The following STK16 variants were observed in gnomAD, a reference collection of about 807,000 sequenced individuals.
The protein encoded by STK16 is serine/threonine kinase 16, also known as serine/threonine-protein kinase 16.
In STK16, 28 loss-of-function variants were observed where a neutral mutation model predicts 37.8. The observed-to-expected ratio is 0.74, with a 90% CI of 0.55 to 1.02. STK16 has a LOEUF of 1.02. Among genes scored for constraint, STK16 ranks in the 50% least tolerant of loss-of-function variants. STK16 has a pLI of 0.00. For missense variants in STK16, 349 were observed against 390.6 expected, an observed-to-expected ratio of 0.89 and a Z score of 0.90; for synonymous variants, 134 against 155.0, an observed-to-expected ratio of 0.86 and a Z score of 1.01.
chr2:219,247,767 A>G lies in STK16; in HGVS notation c.657+10A>G, dbSNP rs759913949. The G allele has an allele frequency of 1.3e-6, 2 of 1,563,572 alleles. No individual in the cohort carries two copies. The highest frequency in any genetic ancestry group is 1.7e-6 in the Non-Finnish European group (2 of 1,153,118). On this transcript the variant is annotated intron_variant, in intron 6 of 7. Transcript: ENST00000396738. Reference sequence around the variant, plus strand: ...GCGGACTGATGTCTGGGTGAGGAGCATGTGGGTGGGTATCTGGGTAGGGAG... The same window carrying G: ...GCGGACTGATGTCTGGGTGAGGAGCGTGTGGGTGGGTATCTGGGTAGGGAG...
intron 4 of STK16, 71 bp downstream of exon 4, chr2:219,247,317 C>T (rs1455549205): frequency 1.9e-6 from 3 of 1,609,130 alleles, no homozygotes; most frequent in Non-Finnish European, 1.7e-6. Flanking sequence ...TGGGAGGTCT[C>T]TGTTCTCCCA....
chr2:219,247,497 A>C lies in STK16; in HGVS notation c.523A>C (p.Ile175Leu). The part of the protein sequence containing the change: ...MDLGSMNQAC[I>L]HVEGSRQALT... ...CTTGGGTTCCATGAATCAAGCATGC[A>C]TCCATGTGGAGGGCTCCCGCCAGGC... Residue 175 changes from isoleucine to leucine, a missense_variant, in exon 5 of 8, where the codon ATC becomes CTC. By Grantham distance (5) the Ile-to-Leu change is conservative (BLOSUM62 2). Coordinates refer to ENST00000396738, the MANE Select transcript of STK16 (RefSeq NM_001330213.2). 3.7e-6 allele frequency: 6 copies of C among 1,614,194 alleles called. No homozygotes were observed. The highest frequency in any genetic ancestry group is 5.1e-6 in the Non-Finnish European group (6 of 1,180,026).
rs1358200639 is a variant in STK16 at position 219,246,794 on chromosome 2, C to T, written c.224C>T (p.Pro75Leu). ...GACATGCATCGCCTCTTCAATCACC[C>T]CAACATCCTTCGCCTCGTGGCTTAC... Reference protein sequence around the residue: ...EADMHRLFNHPNILRLVAYCL... With the variant: ...EADMHRLFNHLNILRLVAYCL... Residue 75 changes from proline to leucine, a missense_variant, in exon 3 of 8, where the codon CCC (proline) becomes CTC (leucine). By Grantham distance (98) the Pro-to-Leu change is moderately conservative. Transcript: ENST00000396738. This position sits in a 1 kb window ranked among gnomAD's most constrained non-coding sequence, Gnocchi z 4.5. 6.2e-7 allele frequency: 1 copy of T among 1,614,236 alleles called. No homozygotes were observed. Among genetic ancestry groups the T allele is most frequent in the Non-Finnish European group, 8.5e-7 (1 of 1,180,040 alleles).
In STK16 at chr2:219,250,263, C is replaced by T; in HGVS notation, c.*1704C>T. The T allele has an allele frequency of 6.5e-7, 1 of 1,528,500 alleles. No individual in the cohort carries two copies. The highest frequency in any genetic ancestry group is 8.8e-7 in the Non-Finnish European group (1 of 1,135,312). The allele number at this position is 1,528,500 out of a possible 1,614,324, so 94.7% of individuals were successfully genotyped here. A position where few individuals can be genotyped will look rare whatever the true frequency, so the allele number is the denominator to read the frequency against. On this transcript the variant is annotated 3_prime_UTR_variant, in exon 8 of 8. Coordinates refer to ENST00000396738, the MANE Select transcript of STK16 (RefSeq NM_001330213.2). The surrounding 1 kb of genome is among the most constrained non-coding windows in gnomAD (Gnocchi z 8.4). Reference sequence around the variant, plus strand: ...GGGGAAGGCAGCAGAAGCTCAAGCACTCAGAGGGAACAAGAAACCGTGCAA... The same window carrying T: ...GGGGAAGGCAGCAGAAGCTCAAGCATTCAGAGGGAACAAGAAACCGTGCAA...
rs1006116968 is a variant in STK16, at chr2:219,250,269, G to A, written c.*1710G>A. ...GGCAGCAGAAGCTCAAGCACTCAGA[G>A]GGAACAAGAAACCGTGCAAGGAAAC... is the stretch of plus-strand genomic sequence containing the variant. On this transcript the variant is annotated 3_prime_UTR_variant, in exon 8 of 8. Transcript: ENST00000396738. This position sits in a 1 kb window ranked among gnomAD's most constrained non-coding sequence, Gnocchi z 8.4. The A allele has an allele frequency of 1.3e-6, 2 of 1,531,544 alleles. No homozygotes were observed. Among genetic ancestry groups the A allele is most frequent in the Admixed American group, 2.1e-5 (1 of 48,658 alleles). 94.9% of individuals were successfully genotyped at this position (1,531,544 alleles called of 1,614,324 possible).
intron 5 of STK16, 29 bp from the exon 6 acceptor site, chr2:219,247,633 A>T (rs1234859509): frequency 1.2e-6 from 2 of 1,612,878 alleles, no homozygotes; most frequent in Non-Finnish European, 1.7e-6. Flanking sequence ...CCTGTGCCCC[A>T]CTTTTGAGCT....
At position 219,246,177 on chromosome 2, in the gene STK16, C is replaced by A; in HGVS notation, c.86+92C>A. On this transcript the variant is annotated intron_variant, in intron 2 of 7. Coordinates refer to ENST00000396738, the MANE Select transcript of STK16 (RefSeq NM_001330213.2). The surrounding 1 kb of genome is among the most constrained non-coding windows in gnomAD (Gnocchi z 4.5). The stretch of plus-strand genomic sequence containing the variant: ...ATGCTTGGGGCACAAGGGTTTTATC[C>A]CTATCCCTGTCCTCTCTCACCTGAC... The A allele has an allele frequency of 1.8e-6, 2 of 1,114,004 alleles. No individual in the cohort carries two copies. 69.0% of individuals were successfully genotyped at this position (1,114,004 alleles called of 1,614,324 possible).
In STK16 at chr2:219,246,815, C is replaced by G; in HGVS notation, c.245C>G (p.Ala82Gly). The G allele has an allele frequency of 6.2e-7, 1 of 1,614,150 alleles. No individual in the cohort carries two copies. Among genetic ancestry groups the G allele is most frequent in the Non-Finnish European group, 8.5e-7 (1 of 1,180,024 alleles). The change falls in exon 3 of 8, where the codon GCT becomes GGT. Residue 82 changes from alanine (A) to glycine (G), a missense_variant. Physicochemically the swap from Ala to Gly is moderately conservative, Grantham distance 60 (BLOSUM62 0). Transcript: ENST00000396738. This position sits in a 1 kb window ranked among gnomAD's most constrained non-coding sequence, Gnocchi z 4.5. Reference protein sequence around the residue: ...FNHPNILRLVAYCLRERGAKH... With the variant: ...FNHPNILRLVGYCLRERGAKH... ...CACCCCAACATCCTTCGCCTCGTGG[C>G]TTACTGTCTGAGGGAACGGGGTGCT... is the stretch of plus-strand genomic sequence containing the variant.
intron 4 of STK16, 46 bp downstream of exon 4, chr2:219,247,292 C>A: frequency 6.2e-7 from 1 of 1,611,982 alleles, no homozygotes; most frequent in Non-Finnish European, 8.5e-7. Flanking sequence ...AGAGGAAGAG[C>A]CTCACCAGGA....
rs769513671 is a variant in STK16 at position 219,247,546 on chromosome 2, C to G, written c.561+11C>G. Reference sequence around the variant, plus strand: ...GCTCTGACCCTGCAGGTAAAAGAGTCTCCAGGTTCCTTTTCTCACCTGTTC... The same window carrying G: ...GCTCTGACCCTGCAGGTAAAAGAGTGTCCAGGTTCCTTTTCTCACCTGTTC... On this transcript the variant is annotated intron_variant, in intron 5 of 7. Coordinates refer to ENST00000396738, the MANE Select transcript of STK16 (RefSeq NM_001330213.2). The G allele has an allele frequency of 1.2e-6, 2 of 1,614,150 alleles. No individual in the cohort carries two copies. The highest frequency in any genetic ancestry group is 2.2e-5 in the South Asian group (2 of 91,086).
At position 219,246,732 on chromosome 2, in the gene STK16, C is replaced by T. The variant is rs61733614; in HGVS notation, c.162C>T (p.His54=). 6.6e-4 allele frequency: 1,063 copies of T among 1,614,220 alleles called. 10 individuals carry two copies. In the African/African-American group the frequency reaches 0.012, roughly 18 times the overall value. The change falls in exon 3 of 8, where the codon CAC becomes CAT. Residue 54 remains histidine (H), a synonymous_variant. Coordinates refer to ENST00000396738, the MANE Select transcript of STK16 (RefSeq NM_001330213.2). This position sits in a 1 kb window ranked among gnomAD's most constrained non-coding sequence, Gnocchi z 4.5. ...ACGCCCTGAAGCGAATCCTGTGTCA[C>T]GAGCAGCAGGACCGGGAGGAGGCCC... is the stretch of plus-strand genomic sequence containing the variant. The part of the protein sequence containing the change: ...HFYALKRILC[H]EQQDREEAQR...
intron 4 of STK16, 25 bp from the exon 5 acceptor site, chr2:219,247,389 CA>C (rs762649929): frequency 1.2e-6 from 2 of 1,613,804 alleles, no homozygotes; most frequent in Non-Finnish European, 1.7e-6. Flanking sequence ...CAGAGATGCT[CA>C]TAGGTCACTT....
At position 219,248,761 on chromosome 2, in the gene STK16, G is replaced by A. The variant is rs367607504; in HGVS notation, c.*202G>A. ...TGGGCAAGGGGACTTACTGAGTGGG[G>A]GTGGGTGGGGGTTGGGAAAAGGGAA... On this transcript the variant is annotated 3_prime_UTR_variant, in exon 8 of 8. Coordinates refer to ENST00000396738, the MANE Select transcript of STK16 (RefSeq NM_001330213.2). 9 of 542,564 alleles carry A rather than the reference G, an allele frequency of 1.7e-5. 2 individuals carry two copies. Among genetic ancestry groups the A allele is most frequent in the Non-Finnish European group, 2.9e-5 (9 of 307,816 alleles). The allele number at this position is 542,564 out of a possible 1,614,324, so 33.6% of individuals were successfully genotyped here. A position where few individuals can be genotyped will look rare whatever the true frequency, so the allele number is the denominator to read the frequency against.
Position 219,246,664 on chromosome 2 carries a change from A to C in STK16, c.94A>C (p.Ser32Arg), listed in dbSNP as rs1215165343. ...GACCCCTTTGGCCCACAGTGGGTTCAGCTATGTGGACCTAGTGGAAGGGTT... is the reference window on the plus strand; with the variant it reads ...GACCCCTTTGGCCCACAGTGGGTTCCGCTATGTGGACCTAGTGGAAGGGTT... Reference protein sequence around the residue: ...FIQKLGEGGFSYVDLVEGLHD... With the variant: ...FIQKLGEGGFRYVDLVEGLHD... The change falls in exon 3 of 8, where the codon AGC becomes CGC. Residue 32 changes from serine to arginine, a missense_variant. Coordinates refer to ENST00000396738, the MANE Select transcript of STK16 (RefSeq NM_001330213.2). This position sits in a 1 kb window ranked among gnomAD's most constrained non-coding sequence, Gnocchi z 4.5. 8 of 1,613,972 alleles carry C rather than the reference A, an allele frequency of 5.0e-6. No homozygotes were observed. Among genetic ancestry groups the C allele is most frequent in the Non-Finnish European group, 6.8e-6 (8 of 1,179,852 alleles).
In STK16 at chr2:219,245,967, C is replaced by G; in HGVS notation, c.-33C>G. The G allele has an allele frequency of 1.3e-6, 2 of 1,599,298 alleles. No homozygotes were observed. The highest frequency in any genetic ancestry group is 1.1e-5 in the South Asian group (1 of 90,394). On this transcript the variant is annotated 5_prime_UTR_variant, in exon 2 of 8. An upstream open reading frame in the 5' UTR gains an earlier in-frame stop. Transcript: ENST00000396738. ...CCCTGGACGAGCTCTTCGGTAGCCT[C>G]AGACCGTCCTTGAAGAGGATGACTG...
rs767787780 is a variant in STK16, at chr2:219,246,667, T to C, written c.97T>C (p.Tyr33His). 14 of 1,614,034 alleles carry C rather than the reference T, an allele frequency of 8.7e-6. No homozygotes were observed. Among genetic ancestry groups the C allele is most frequent in the Admixed American group, 1.7e-5 (1 of 60,020 alleles). ...IQKLGEGGFSYVDLVEGLHDG... is the reference protein window; with the variant it reads ...IQKLGEGGFSHVDLVEGLHDG... The stretch of plus-strand genomic sequence containing the variant: ...CCCTTTGGCCCACAGTGGGTTCAGC[T>C]ATGTGGACCTAGTGGAAGGGTTACA... Residue 33 changes from tyrosine to histidine, a missense_variant, in exon 3 of 8, where the codon TAT becomes CAT. Tyr to His is a moderately conservative substitution (Grantham distance 83). Coordinates refer to ENST00000396738, the MANE Select transcript of STK16 (RefSeq NM_001330213.2). The surrounding 1 kb of genome is among the most constrained non-coding windows in gnomAD (Gnocchi z 4.5).
chr2:219,248,119 T>C, intron 6 of STK16, 74 bp from the exon 7 acceptor site: 7 of 1,586,696 alleles, frequency 4.4e-6, no homozygotes, highest in Non-Finnish European at 5.2e-6. Context: ...TGGAGTCTCC[T>C]TTTACCACAG....
rs758350335 is a variant in STK16 at position 219,246,684 on chromosome 2, A to G, written c.114A>G (p.Glu38=). The G allele has an allele frequency of 1.9e-5, 31 of 1,614,074 alleles. No homozygotes were observed. The highest frequency in any genetic ancestry group is 2.2e-5 in the Non-Finnish European group (26 of 1,180,040). The change falls in exon 3 of 8, where the codon GAA becomes GAG. Residue 38 remains glutamate, a synonymous_variant. Coordinates refer to ENST00000396738, the MANE Select transcript of STK16 (RefSeq NM_001330213.2). This position sits in a 1 kb window ranked among gnomAD's most constrained non-coding sequence, Gnocchi z 4.5. ...GGTTCAGCTATGTGGACCTAGTGGA[A>G]GGGTTACATGATGGACACTTCTACG... The part of the protein sequence containing the change: ...EGGFSYVDLV[E]GLHDGHFYAL...
intron 4 of STK16, 66 bp downstream of exon 4, chr2:219,247,312 G>A: frequency 6.2e-7 from 1 of 1,609,594 alleles, no homozygotes; most frequent in African/African-American, 1.3e-5. Flanking sequence ...AGACATGGGA[G>A]GTCTCTGTTC....
Sources: gnomAD v4.1 joint callset for allele counts on GRCh38, gnomAD v4.1.1 for gene constraint, Gnocchi (gnomAD v3.1) non-coding constraint, MANE v1.5 for transcripts, NCBI Gene and HGNC (gene_info 2026-07-23, HGNC 2026-07-21) for gene names.